Variants in CHD9 observed in about 807,000 individuals in gnomAD.
CHD9 encodes the protein ATP-dependent chromatin remodeler CHD9.
CHD9 carries 77 observed loss-of-function variants against 316.1 expected under a neutral mutation model. That is an observed-to-expected ratio of 0.24 (90% CI 0.20 to 0.29). The LOEUF is 0.29. CHD9 is among the 10% of genes least tolerant of loss of function. CHD9 has a pLI of 1.00. For missense variants in CHD9, 2,763 were observed against 3,438.1 expected (o/e 0.80, Z 4.91); for synonymous variants, 1,129 against 1,158.3 (o/e 0.97, Z 0.51).
intron 20 of CHD9, 28 bp from the exon 21 acceptor site, chr16:53,267,266 T>C (rs2051790454): frequency 6.7e-7 from 1 of 1,483,630 alleles, no homozygotes; most frequent in African/African-American, 1.4e-5. Context: ...TAAAAGTACC[T>C]TCAGGTAATA....
chr16:53,184,824 A>G (rs2043845279), intron 2 of CHD9, among the ~76,000 whole-genome samples: 1 of 152,078 alleles, frequency 6.6e-6, no homozygotes, highest in African/African-American at 2.4e-5. Flanking sequence ...TGTTCTGGTG[A>G]TATTGAGTTA....
At chr16:53,232,807 C>CTTAT (rs59506040) in intron 10 of CHD9, among the ~76,000 whole-genome samples, 1 of 151,876 alleles carries the variant, frequency 6.6e-6, no homozygotes, top group Non-Finnish European at 1.5e-5. Context: ...TTAGCAAACA[C>CTTAT]CTGTATTAAG....
chr16:53,081,349 T>C (rs1596909919), intron 1 of CHD9, among the ~76,000 whole-genome samples: 4 of 152,314 alleles, frequency 2.6e-5, no homozygotes, highest in Non-Finnish European at 1.5e-5. Context: ...GTTTTCTCTT[T>C]GATGGTATGT....
chr16:53,218,387 T>C (rs985150942), intron 3 of CHD9, among the ~76,000 whole-genome samples: 2 of 152,198 alleles, frequency 1.3e-5, no homozygotes, highest in African/African-American at 4.8e-5. Context: ...GAAACATTTT[T>C]ATCTAACCTA....
chr16:53,178,153 CT>C (rs1458160757), intron 2 of CHD9, among the ~76,000 whole-genome samples: 1 of 152,122 alleles, frequency 6.6e-6, no homozygotes, highest in Non-Finnish European at 1.5e-5. Flanking sequence ...GTGATATATC[CT>C]TTTGACCCCA....
chr16:53,112,147 A>G (rs538473212), intron 1 of CHD9, among the ~76,000 whole-genome samples: 116 of 152,318 alleles, frequency 7.6e-4, no homozygotes, highest in Middle Eastern at 3.4e-3. Context: ...GCTGTCCTAA[A>G]ATCACCTGCA....
At position 53,222,770 on chromosome 16, in the gene CHD9, T is replaced by G; in HGVS notation, c.1896+15T>G. On this transcript the variant is annotated intron_variant, in intron 4 of 38. Transcript: ENST00000447540. ...AAGACTCTCAAGTGAGTATTACAAT[T>G]TTTTCTAGAAATGAAACACTGTTAG... The G allele has an allele frequency of 8.0e-7, 1 of 1,251,054 alleles. No homozygotes were observed. The highest frequency in any genetic ancestry group is 1.1e-6 in the Non-Finnish European group (1 of 879,906). 77.5% of individuals were successfully genotyped at this position (1,251,054 alleles called of 1,614,324 possible).
At chr16:53,067,142 T>C (rs1206496268) in intron 1 of CHD9, among the ~76,000 whole-genome samples, 2 of 152,178 alleles carry the variant, frequency 1.3e-5, no homozygotes, top group African/African-American at 4.8e-5. Context: ...GGGGTCTTGC[T>C]GTGTTACCCA....
intron 2 of CHD9, among the ~76,000 whole-genome samples, chr16:53,165,349 G>A (rs1487018565): frequency 6.6e-6 from 1 of 152,120 alleles, no homozygotes; most frequent in Non-Finnish European, 1.5e-5. Flanking sequence ...CACATGACAA[G>A]TCCTCCACTA....
Position 53,315,006 on chromosome 16 carries a change from C to A in CHD9, c.7546C>A (p.His2516Asn), listed in dbSNP as rs1193936756. 1.9e-6 allele frequency: 3 copies of A among 1,613,628 alleles called. No homozygotes were observed. The highest frequency in any genetic ancestry group is 2.5e-6 in the Non-Finnish European group (3 of 1,179,756). Residue 2516 changes from histidine (H) to asparagine (N), a missense_variant, in exon 36 of 39, where the codon CAC becomes AAC. Coordinates refer to ENST00000447540, the MANE Select transcript of CHD9 (RefSeq NM_001308319.2). ...GGATTTGGAAAAATGGCTTAAGGAG[C>A]ACCCGGGTTATGTGGAAGATTTGGG... ...RKDLEKWLKE[H>N]PGYVEDLGAF...
At chr16:53,187,906 A>G (rs1283308781) in intron 2 of CHD9, among the ~76,000 whole-genome samples, 14 of 152,208 alleles carry the variant, frequency 9.2e-5, no homozygotes, top group Admixed American at 6.5e-5. Context: ...GTAATCTTGA[A>G]TATTAAAATG....
chr16:53,060,098 C>A (rs1328775644), intron 1 of CHD9, among the ~76,000 whole-genome samples: 1 of 152,170 alleles, frequency 6.6e-6, no homozygotes, highest in East Asian at 1.9e-4. Context: ...GATCCCAGGA[C>A]TTTGGAAGAC....
At chr16:53,208,182 A>G in intron 2 of CHD9, 2 of 1,105,106 alleles carry the variant, frequency 1.8e-6, no homozygotes, top group Non-Finnish European at 2.2e-6. Flanking sequence ...CAAAATGTGT[A>G]TTTGTGGAGG....
At position 53,231,487 on chromosome 16, in the gene CHD9, A is replaced by G; in HGVS notation, c.2355A>G (p.Glu785=). ...GAGTATTAGAAGTCTCTTTTTGTGA[A>G]GATAAGGATACTGGTGAGGTAAATA... is the stretch of plus-strand genomic sequence containing the variant. ...VDRVLEVSFC[E]DKDTGEPVIY... The change falls in exon 9 of 39, where the codon GAA becomes GAG. Residue 785 remains glutamate, a synonymous_variant. Transcript: ENST00000447540. 2 of 1,589,888 alleles carry G rather than the reference A, an allele frequency of 1.3e-6. No homozygotes were observed. The highest frequency in any genetic ancestry group is 1.7e-6 in the Non-Finnish European group (2 of 1,160,756).
At chr16:53,275,464 TG>T (rs1223176813) in intron 24 of CHD9, among the ~76,000 whole-genome samples, 4 of 152,184 alleles carry the variant, frequency 2.6e-5, no homozygotes, top group Admixed American at 1.3e-4. Flanking sequence ...AAGGAGTTTA[TG>T]GTCTCAGTAA....
chr16:53,297,277 A>T, intron 30 of CHD9, 119 bp downstream of exon 30: 2 of 704,274 alleles, frequency 2.8e-6, no homozygotes, highest in South Asian at 1.8e-5. Context: ...TCAACTTGTC[A>T]GTAATTTTTT....
intron 11 of CHD9, among the ~76,000 whole-genome samples, chr16:53,236,845 A>G (rs2048675262): frequency 1.3e-5 from 2 of 151,734 alleles, no homozygotes; most frequent in South Asian, 4.2e-4. Flanking sequence ...ATTCCTTTCA[A>G]TAGTCTGCTG....
At chr16:53,112,846 T>C (rs960944488) in intron 1 of CHD9, among the ~76,000 whole-genome samples, 8 of 151,910 alleles carry the variant, frequency 5.3e-5, no homozygotes, top group Non-Finnish European at 2.9e-5. Flanking sequence ...AGAGACCCCA[T>C]CTCTACAAAA....
intron 2 of CHD9, among the ~76,000 whole-genome samples, chr16:53,187,618 A>C (rs2044138360): frequency 6.6e-6 from 1 of 152,192 alleles, no homozygotes; most frequent in African/African-American, 2.4e-5. Flanking sequence ...AAAGAAAGAT[A>C]ATCAGATTTA....
Sources: gnomAD v4.1 joint callset for allele counts (sites outside exome capture counted in the v4.1 genomes callset) on GRCh38, gnomAD v4.1.1 for gene constraint, MANE v1.5 for transcripts, NCBI Gene and HGNC (gene_info 2026-07-23, HGNC 2026-07-21) for gene names.